CCDC172: variants seen among roughly 807,000 people sequenced by gnomAD.
The protein encoded by CCDC172 is coiled-coil domain containing 172.
In CCDC172, 30 loss-of-function variants were observed where a neutral mutation model predicts 38.0. That is an observed-to-expected ratio of 0.79 (90% CI 0.59 to 1.07). The LOEUF (loss-of-function observed/expected upper bound fraction) is 1.07. Ranked by LOEUF, CCDC172 falls within the 50% of genes least tolerant of loss-of-function variation. The pLI, the probability that CCDC172 is intolerant of heterozygous loss-of-function variation, is 0.00. For synonymous variants in CCDC172, 78 were observed against 88.3 expected, an observed-to-expected ratio of 0.88 and a Z score of 0.66; for missense variants, 297 against 290.1, an observed-to-expected ratio of 1.02 and a Z score of -0.17.
At chr10:116,369,875 T>C (rs992174068) in intron 7 of CCDC172, among the ~76,000 whole-genome samples, 1 of 152,010 alleles carries the variant, frequency 6.6e-6, no homozygotes, top group Non-Finnish European at 1.5e-5. Context: ...AAGAGTTTGT[T>C]GTCAAGTTTT....
chr10:116,337,901 A>C (rs956116858), intron 3 of CCDC172, among the ~76,000 whole-genome samples: 6 of 152,116 alleles, frequency 3.9e-5, no homozygotes, highest in African/African-American at 1.5e-4. Flanking sequence ...TTAGTTGTCA[A>C]ATGCAGGAAC....
Position 116,340,725 on chromosome 10 carries a change from A to G in CCDC172, c.166-9A>G, listed in dbSNP as rs1844781869. Reference sequence around the variant, plus strand: ...GTTTTATTCTGATTTCTGTTTTTGTACTTTGAAGGTTCAACAGTTTTTTGA... The same window carrying G: ...GTTTTATTCTGATTTCTGTTTTTGTGCTTTGAAGGTTCAACAGTTTTTTGA... On this transcript the variant is annotated splice_polypyrimidine_tract_variant and intron_variant, in intron 3 of 8. Coordinates refer to ENST00000333254, the MANE Select transcript of CCDC172 (RefSeq NM_198515.3). The G allele has an allele frequency of 7.4e-7, 1 of 1,348,120 alleles. No homozygotes were observed. Among genetic ancestry groups the G allele is most frequent in the South Asian group, 1.2e-5 (1 of 81,142 alleles). 83.5% of individuals were successfully genotyped at this position (1,348,120 alleles called of 1,614,324 possible). A position where few individuals can be genotyped will look rare whatever the true frequency, so the allele number is the denominator to read the frequency against.
chr10:116,369,567 A>C (rs540423569), intron 7 of CCDC172, among the ~76,000 whole-genome samples: 1 of 152,176 alleles, frequency 6.6e-6, no homozygotes, highest in South Asian at 2.1e-4. Flanking sequence ...TTTTATAGCT[A>C]TATAATACTT....
intron 3 of CCDC172, among the ~76,000 whole-genome samples, chr10:116,330,242 A>G (rs60352372): frequency 0.11 from 16,969 of 152,224 alleles, 1,123 homozygotes; most frequent in East Asian, 0.22. Context: ...ATTCCTATCT[A>G]TCTTGGCAGC....
At position 116,345,842 on chromosome 10, in the gene CCDC172, T is replaced by C. The variant is rs1277009019; in HGVS notation, c.448+3641T>C. Among the ~76,000 whole-genome samples the C allele has an allele frequency of 2.6e-5, 4 of 152,212 alleles. No individual in the cohort carries two copies. In the East Asian group the frequency reaches 7.7e-4, roughly 29 times the overall value. On this transcript the variant is annotated intron_variant, in intron 5 of 8. Transcript: ENST00000333254. Reference sequence around the variant, plus strand: ...GGAGCATCTGATACTCATATGGTAGTGATGGGAATGTAAAATTAATGGTAC... The same window carrying C: ...GGAGCATCTGATACTCATATGGTAGCGATGGGAATGTAAAATTAATGGTAC...
intron 5 of CCDC172, among the ~76,000 whole-genome samples, chr10:116,348,749 C>T (rs921954302): frequency 4.1e-4 from 62 of 152,276 alleles, no homozygotes; most frequent in Middle Eastern, 3.4e-3. Context: ...CCAGCCTCAC[C>T]CAGCAGCTTC....
intron 3 of CCDC172, among the ~76,000 whole-genome samples, chr10:116,331,038 T>C (rs1183325852): frequency 6.6e-6 from 1 of 152,156 alleles, no homozygotes; most frequent in Non-Finnish European, 1.5e-5. Context: ...CCAAACCTGG[T>C]CTCAGCTGTC....
At chr10:116,329,971 A>AG (rs1162468950) in intron 3 of CCDC172, among the ~76,000 whole-genome samples, 2 of 152,186 alleles carry the variant, frequency 1.3e-5, no homozygotes, top group African/African-American at 4.8e-5. Context: ...TATATTCCGA[A>AG]GTGCCACGAT....
intron 5 of CCDC172, among the ~76,000 whole-genome samples, chr10:116,354,364 T>C (rs1844968464): frequency 6.6e-6 from 1 of 152,148 alleles, no homozygotes; most frequent in Non-Finnish European, 1.5e-5. Context: ...TAAAAAAAGT[T>C]AACTGTAAAA....
chr10:116,345,707 A>G (rs550871402), intron 5 of CCDC172, among the ~76,000 whole-genome samples: 1 of 152,190 alleles, frequency 6.6e-6, no homozygotes, highest in Non-Finnish European at 1.5e-5. Flanking sequence ...AAGATACTCA[A>G]TATCTTTAGT....
chr10:116,351,315 A>G (rs1844928271), intron 5 of CCDC172, among the ~76,000 whole-genome samples: 1 of 152,150 alleles, frequency 6.6e-6, no homozygotes. Flanking sequence ...TTATTAAGGG[A>G]GCAGAAGGAT....
intron 7 of CCDC172, among the ~76,000 whole-genome samples, chr10:116,376,300 T>C (rs1012641895): frequency 5.0e-5 from 7 of 139,614 alleles, no homozygotes; most frequent in Admixed American, 1.4e-4. Context: ...AAAGTTCAAA[T>C]TGATCTACAC....
At chr10:116,351,400 A>G (rs1441659653) in intron 5 of CCDC172, among the ~76,000 whole-genome samples, 3 of 152,198 alleles carry the variant, frequency 2.0e-5, no homozygotes, top group South Asian at 2.1e-4. Flanking sequence ...AACATTGTGA[A>G]TAATCAAAAA....
intron 3 of CCDC172, among the ~76,000 whole-genome samples, chr10:116,334,519 T>C (rs1844705573): frequency 6.6e-6 from 1 of 152,138 alleles, no homozygotes; most frequent in African/African-American, 2.4e-5. Context: ...TTCTATTTAC[T>C]GTAACCTAGA....
chr10:116,337,489 C>A (rs1314911927), intron 3 of CCDC172, among the ~76,000 whole-genome samples: 1 of 152,026 alleles, frequency 6.6e-6, no homozygotes, highest in African/African-American at 2.4e-5. Flanking sequence ...TTTTTCATTT[C>A]TAGTAGGAGG....
At chr10:116,357,589 A>G in intron 6 of CCDC172, 108 bp downstream of exon 6, 2 of 954,564 alleles carry the variant, frequency 2.1e-6, no homozygotes, top group Non-Finnish European at 1.5e-6. Context: ...ATATAGTGCT[A>G]TTATTGGTAT....
chr10:116,342,557 C>G (rs1840638872), intron 5 of CCDC172, among the ~76,000 whole-genome samples: 1 of 152,098 alleles, frequency 6.6e-6, no homozygotes, highest in African/African-American at 2.4e-5. Flanking sequence ...GATTGGTGCC[C>G]TAATCCTCTA....
intron 4 of CCDC172, among the ~76,000 whole-genome samples, chr10:116,341,486 T>G (rs17094559): frequency 0.022 from 3,410 of 152,134 alleles, 136 homozygotes; most frequent in African/African-American, 0.078. Context: ...GTCCACAGTT[T>G]TTGGAAATTC....
intron 3 of CCDC172, among the ~76,000 whole-genome samples, chr10:116,336,904 G>A (rs1401743165): frequency 6.6e-6 from 1 of 152,126 alleles, no homozygotes; most frequent in East Asian, 1.9e-4. Context: ...CACCCAGGCA[G>A]CAAGAGTAGT....
Sources: gnomAD v4.1 joint callset for allele counts (sites outside exome capture counted in the v4.1 genomes callset) on GRCh38, gnomAD v4.1.1 for gene constraint, MANE v1.5 for transcripts, NCBI Gene and HGNC (gene_info 2026-07-23, HGNC 2026-07-21) for gene names.